Variants in PPFIA1 observed in about 807,000 individuals in gnomAD.
The protein encoded by PPFIA1 is liprin-alpha-1.
PPFIA1 carries 25 observed loss-of-function variants against 149.9 expected under a neutral mutation model. The ratio of observed to expected loss-of-function variants is 0.17; its 90% CI spans 0.12 to 0.23. The LOEUF (loss-of-function observed/expected upper bound fraction) is 0.23, where lower values mean the gene tolerates loss of function less well. PPFIA1 is among the 10% of genes least tolerant of loss of function. The pLI, the probability that PPFIA1 is intolerant of heterozygous loss-of-function variation, is 1.00. For synonymous variants in PPFIA1, 549 were observed against 552.8 expected (o/e 0.99, Z 0.10); for missense variants, 1,362 against 1,506.5 (o/e 0.90, Z 1.59).
intron 2 of PPFIA1, among the ~76,000 whole-genome samples, chr11:70,288,712 C>T (rs1320928273): frequency 1.3e-5 from 2 of 152,156 alleles, no homozygotes; most frequent in South Asian, 2.1e-4. Flanking sequence ...AGTCAGGCGT[C>T]GTCATTACTC....
intron 2 of PPFIA1, among the ~76,000 whole-genome samples, chr11:70,289,136 T>G (rs2051354198): frequency 6.6e-6 from 1 of 151,324 alleles, no homozygotes; most frequent in South Asian, 2.1e-4. Flanking sequence ...CTTGGCTAAT[T>G]TTTTTTTGTA....
chr11:70,372,521 A>G lies in PPFIA1; in HGVS notation c.3086A>G (p.Tyr1029Cys), dbSNP rs765932463. The part of the protein sequence containing the change: ...CGIMCLRRLN[Y>C]DRKELERKRE... ...ATTATGTGCCTGAGAAGGTTAAATT[A>G]TGACCGGAAAGAACTGGAAAGAAAA... The change falls in exon 23 of 28, where the codon TAT (tyrosine) becomes TGT (cysteine). Residue 1029 changes from tyrosine (Y) to cysteine (C), a missense_variant. By Grantham distance (194) the Tyr-to-Cys change is radical (BLOSUM62 -2). Around this residue, in one of 7 missense-constraint regions of PPFIA1, gnomAD observed 349 missense variants for 373.3 expected, o/e 0.93. Transcript: ENST00000253925. 4 of 1,614,006 alleles carry G rather than the reference A, an allele frequency of 2.5e-6. No homozygotes were observed. The highest frequency in any genetic ancestry group is 3.4e-6 in the Non-Finnish European group (4 of 1,179,886).
chr11:70,346,542 T>C (rs903164819), intron 15 of PPFIA1, among the ~76,000 whole-genome samples: 1 of 152,146 alleles, frequency 6.6e-6, no homozygotes, highest in Non-Finnish European at 1.5e-5. Context: ...CCTTGAAAAC[T>C]GGCGAAGAGA....
intron 15 of PPFIA1, among the ~76,000 whole-genome samples, chr11:70,346,680 C>T (rs1591297196): frequency 1.3e-5 from 2 of 152,158 alleles, no homozygotes; most frequent in Admixed American, 1.3e-4. Flanking sequence ...GGATTATATA[C>T]CTTTTGTTTT....
chr11:70,273,047 G>A (rs911123999), intron 2 of PPFIA1, among the ~76,000 whole-genome samples: 1 of 152,230 alleles, frequency 6.6e-6, no homozygotes, highest in African/African-American at 2.4e-5. Flanking sequence ...GGAGGCTGAG[G>A]CAGGCGGATC....
chr11:70,379,949 A>T (rs2057642456), intron 26 of PPFIA1, among the ~76,000 whole-genome samples: 1 of 152,188 alleles, frequency 6.6e-6, no homozygotes. Flanking sequence ...TAATTCTTAG[A>T]AAGCAGAACT....
chr11:70,366,780 C>T lies in PPFIA1; in HGVS notation c.2865+4292C>T, dbSNP rs552174586. On this transcript the variant is annotated intron_variant, in intron 21 of 27. Coordinates refer to ENST00000253925, the MANE Select transcript of PPFIA1 (RefSeq NM_003626.5). Reference sequence around the variant, plus strand: ...CCTGATTACGAGGTGATGGTTGAAGCAGCTGTTTCCTTCTCTTGGTACTCC... The same window carrying T: ...CCTGATTACGAGGTGATGGTTGAAGTAGCTGTTTCCTTCTCTTGGTACTCC... 4.3e-4 allele frequency among the ~76,000 whole-genome samples: 66 copies of T among 152,336 alleles called. No individual in the cohort carries two copies. In the South Asian group the frequency reaches 0.011, roughly 24 times the overall value.
At chr11:70,363,836 G>T (rs550177923) in intron 21 of PPFIA1, among the ~76,000 whole-genome samples, 2 of 152,122 alleles carry the variant, frequency 1.3e-5, no homozygotes, top group South Asian at 4.2e-4. Flanking sequence ...TGAAATATAG[G>T]TGACATACTA....
In PPFIA1 at chr11:70,311,609, C is replaced by G. The variant is rs139632230; in HGVS notation, c.265-12793C>G. On this transcript the variant is annotated intron_variant, in intron 2 of 27. Coordinates refer to ENST00000253925, the MANE Select transcript of PPFIA1 (RefSeq NM_003626.5). ...GTGGAAGGGGCTGCGGGACACCTGT[C>G]GAGCTGCTCTCCTGGGTTAGAGGGC... Among the ~76,000 whole-genome samples the G allele has an allele frequency of 2.7e-3, 409 of 152,198 alleles. 4 individuals are homozygous for G. The highest frequency in any genetic ancestry group is 9.2e-3 in the African/African-American group (384 of 41,534).
chr11:70,311,308 CAA>C (rs879918332), intron 2 of PPFIA1, among the ~76,000 whole-genome samples: 10 of 128,604 alleles, frequency 7.8e-5, no homozygotes, highest in South Asian at 2.5e-4. Flanking sequence ...AACTCCATCT[CAA>C]AAAAAAAAAA....
intron 2 of PPFIA1, among the ~76,000 whole-genome samples, chr11:70,299,809 C>T (rs1052399243): frequency 3.9e-5 from 6 of 152,322 alleles, no homozygotes; most frequent in African/African-American, 9.6e-5. Context: ...GTCTCAGAGC[C>T]GGGACCTCGG....
At chr11:70,289,376 CTTA>C (rs1400162932) in intron 2 of PPFIA1, among the ~76,000 whole-genome samples, 1 of 152,064 alleles carries the variant, frequency 6.6e-6, no homozygotes, top group Admixed American at 6.6e-5. Flanking sequence ...GTTTTTTCCC[CTTA>C]TTTTATATTT....
intron 4 of PPFIA1, 36 bp downstream of exon 4, chr11:70,325,047 T>G: frequency 6.4e-7 from 1 of 1,563,160 alleles, no homozygotes; most frequent in South Asian, 1.2e-5. Context: ...TTTGTGCACA[T>G]GCTGTGTATT....
At chr11:70,353,224 A>G (rs1024707871) in intron 16 of PPFIA1, among the ~76,000 whole-genome samples, 1 of 152,144 alleles carries the variant, frequency 6.6e-6, no homozygotes, top group South Asian at 2.1e-4. Context: ...CAGAAATTCA[A>G]ACTGAGCCCA....
At chr11:70,291,844 T>C (rs922978695) in intron 2 of PPFIA1, among the ~76,000 whole-genome samples, 1 of 148,046 alleles carries the variant, frequency 6.8e-6, no homozygotes, top group African/African-American at 2.5e-5. Context: ...CTAATTTTTT[T>C]TTTTTTTTTT....
chr11:70,362,473 G>T lies in PPFIA1; in HGVS notation c.2850G>T (p.Pro950=). 6.2e-7 allele frequency: 1 copy of T among 1,612,638 alleles called. No homozygotes were observed. The highest frequency in any genetic ancestry group is 1.1e-5 in the South Asian group (1 of 90,826). The part of the protein sequence containing the change: ...EIMSLTSPSA[P]PTSRTTLAYG... ...TGTCGCTGACCAGCCCGTCTGCCCC[G>T]CCCACATCTAGAACGGTACGTTCAG... The change falls in exon 21 of 28, where the codon CCG becomes CCT. Residue 950 remains proline, a synonymous_variant. Transcript: ENST00000253925.
chr11:70,338,701 C>G (rs2055127922), intron 13 of PPFIA1, among the ~76,000 whole-genome samples: 1 of 152,176 alleles, frequency 6.6e-6, no homozygotes, highest in African/African-American at 2.4e-5. Flanking sequence ...ATTTAGGTGC[C>G]CAGCAGAGTG....
intron 2 of PPFIA1, among the ~76,000 whole-genome samples, chr11:70,302,768 C>T (rs2052571057): frequency 6.8e-6 from 1 of 147,118 alleles, no homozygotes; most frequent in Non-Finnish European, 1.5e-5. Context: ...CTCTCAACAC[C>T]ATTTTTTTTT....
chr11:70,288,587 A>G (rs2136182994), intron 2 of PPFIA1, among the ~76,000 whole-genome samples: 1 of 151,994 alleles, frequency 6.6e-6, no homozygotes, highest in South Asian at 2.1e-4. Flanking sequence ...CAAAGAGGTG[A>G]TTTTTCCAGC....
Sources: gnomAD v4.1 joint callset for allele counts (sites outside exome capture counted in the v4.1 genomes callset) on GRCh38, gnomAD v4.1.1 for gene constraint, gnomAD v4.1.1 regional missense constraint, MANE v1.5 for transcripts, NCBI Gene and HGNC (gene_info 2026-07-23, HGNC 2026-07-21) for gene names.